The following DNAH2 variants were observed in gnomAD, a reference collection of about 807,000 sequenced individuals.
DNAH2 encodes dynein axonemal heavy chain 2.
DNAH2 carries 323 observed loss-of-function variants against 523.5 expected under a neutral mutation model. That is an observed-to-expected ratio of 0.62 (90% CI 0.56 to 0.68). DNAH2 has a LOEUF of 0.68. Among genes scored for constraint, DNAH2 ranks in the 30% least tolerant of loss-of-function variants. DNAH2 has a pLI of 0.00. For synonymous variants in DNAH2, 2,093 were observed against 2,177.4 expected, an observed-to-expected ratio of 0.96 and a Z score of 1.08; for missense variants, 4,907 against 5,701.5, an observed-to-expected ratio of 0.86 and a Z score of 4.49.
At chr17:7,796,363 G>T in intron 49 of DNAH2, 101 bp from the exon 50 acceptor site, 2 of 1,347,902 alleles carry the variant, frequency 1.5e-6, no homozygotes, top group South Asian at 1.5e-5. Context: ...GATTTTTTTT[G>T]ACACCCCCTT....
intron 12 of DNAH2, among the ~76,000 whole-genome samples, chr17:7,744,795 A>G (rs2075466927): frequency 6.6e-6 from 1 of 152,108 alleles, no homozygotes; most frequent in South Asian, 2.1e-4. Flanking sequence ...GCAAGCGCAT[A>G]ATGGGGTTGA....
chr17:7,767,101 C>T (rs991563863), intron 22 of DNAH2, among the ~76,000 whole-genome samples: 38 of 150,764 alleles, frequency 2.5e-4, no homozygotes, highest in Admixed American at 1.7e-3. Flanking sequence ...CCCCGTCCCC[C>T]GCCCCAGTCT....
intron 2 of DNAH2, among the ~76,000 whole-genome samples, chr17:7,723,222 G>A (rs1408613255): frequency 2.1e-5 from 3 of 144,930 alleles, no homozygotes; most frequent in African/African-American, 7.7e-5. Context: ...CGCCCGCCTT[G>A]GCCTCCCAAA....
chr17:7,750,061 G>A (rs1183518990), intron 12 of DNAH2, among the ~76,000 whole-genome samples: 8 of 151,910 alleles, frequency 5.3e-5, no homozygotes, highest in South Asian at 2.1e-4. Context: ...ATGGAATTTC[G>A]CTCTGTTGCC....
intron 3 of DNAH2, among the ~76,000 whole-genome samples, chr17:7,724,436 T>C (rs1189865497): frequency 6.6e-6 from 1 of 152,006 alleles, no homozygotes; most frequent in Non-Finnish European, 1.5e-5. Flanking sequence ...CTGGCCAACA[T>C]AGTGAAACCC....
intron 58 of DNAH2, 107 bp downstream of exon 58, chr17:7,802,124 T>C: frequency 1.4e-6 from 2 of 1,459,192 alleles, no homozygotes; most frequent in Non-Finnish European, 1.8e-6. Flanking sequence ...AAGGCCACAG[T>C]TCTGCCCAGG....
At chr17:7,752,691 CAG>C (rs1370308024) in intron 12 of DNAH2, among the ~76,000 whole-genome samples, 3 of 152,126 alleles carry the variant, frequency 2.0e-5, no homozygotes, top group South Asian at 4.2e-4. Flanking sequence ...GCCTGGGTGA[CAG>C]AGCAAGACTC....
At chr17:7,766,230 G>A (rs909146766) in intron 21 of DNAH2, 88 bp from the exon 22 acceptor site, 5 of 1,423,392 alleles carry the variant, frequency 3.5e-6, no homozygotes, top group Non-Finnish European at 4.9e-6. Context: ...GGAGAGAGGT[G>A]AGATTTGCCC....
intron 42 of DNAH2, 198 bp downstream of exon 42, chr17:7,787,231 A>C: frequency 1.4e-6 from 1 of 692,174 alleles, no homozygotes; most frequent in Non-Finnish European, 2.4e-6. Context: ...GAACAATGAT[A>C]AGAAAAACAC....
chr17:7,777,350 C>A, intron 32 of DNAH2, 96 bp from the exon 33 acceptor site: 1 of 1,376,586 alleles, frequency 7.3e-7, no homozygotes, highest in Non-Finnish European at 1.0e-6. Context: ...GTGGGGTCAG[C>A]ACCGGGTTGG....
In DNAH2 at chr17:7,740,507, C is replaced by T; in HGVS notation, c.1464C>T (p.Gly488=). Residue 488 remains glycine (G), a synonymous_variant, in exon 10 of 86, where the codon GGC becomes GGT. Transcript: ENST00000572933. ...AFELVRDVPH[G]VLLLDTFHRL... ...AGTTGGTGCGGGACGTGCCGCACGGCGTGCTTCTGCTGGACACCTTCCACA... is the reference window on the plus strand; with the variant it reads ...AGTTGGTGCGGGACGTGCCGCACGGTGTGCTTCTGCTGGACACCTTCCACA... The T allele has an allele frequency of 6.2e-7, 1 of 1,614,156 alleles. No homozygotes were observed. The highest frequency in any genetic ancestry group is 8.5e-7 in the Non-Finnish European group (1 of 1,180,028).
rs1161015909 is a variant in DNAH2, at chr17:7,798,861, G to A, written c.8559+143G>A. ...CCCACCTCAGCCCTGTAAGGTGGAA[G>A]GTCCCCTCCAGGGACCCTGGGCAGA... On this transcript the variant is annotated intron_variant, in intron 55 of 85. Transcript: ENST00000572933. The surrounding 1 kb of genome is among the most constrained non-coding windows in gnomAD (Gnocchi z 5.5). 1.6e-6 allele frequency: 2 copies of A among 1,281,752 alleles called. No individual in the cohort carries two copies. Among genetic ancestry groups the A allele is most frequent in the African/African-American group, 1.5e-5 (1 of 67,640 alleles). 79.4% of individuals were successfully genotyped at this position (1,281,752 alleles called of 1,614,324 possible).
At chr17:7,749,304 C>A (rs12449667) in intron 12 of DNAH2, among the ~76,000 whole-genome samples, 53,155 of 57,740 alleles carry the variant, frequency 0.92, 24,599 homozygotes, top group Middle Eastern at 0.95. Flanking sequence ...GCTAAACTCC[C>A]CCCCAAAAAA....
chr17:7,824,448 C>G (rs1430074731), intron 76 of DNAH2, 89 bp from the exon 77 acceptor site: 1 of 1,403,300 alleles, frequency 7.1e-7, no homozygotes, highest in Non-Finnish European at 9.4e-7. Context: ...TAGGCCCCCC[C>G]AGCACCCCCA....
chr17:7,815,184 G>A (rs1193512485), intron 63 of DNAH2, among the ~76,000 whole-genome samples: 1 of 152,242 alleles, frequency 6.6e-6, no homozygotes, highest in Non-Finnish European at 1.5e-5. Context: ...GGGTCAGGTA[G>A]TGCTTGCTTG....
intron 15 of DNAH2, 116 bp downstream of exon 15, chr17:7,759,240 A>G: frequency 1.3e-6 from 2 of 1,488,236 alleles, no homozygotes; most frequent in African/African-American, 2.8e-5. Context: ...GTACTTCTCA[A>G]ACATCGTGCT....
Position 7,778,171 on chromosome 17 carries a change from T to A in DNAH2, c.5342T>A (p.Leu1781Gln), listed in dbSNP as rs1597626653. The A allele has an allele frequency of 6.2e-7, 1 of 1,614,086 alleles. No individual in the cohort carries two copies. The highest frequency in any genetic ancestry group is 1.3e-5 in the African/African-American group (1 of 74,940). ...GNSGRLVITP[L>Q]TDRCYMTLTT... Reference sequence around the variant, plus strand: ...TCGGGCCGGCTCGTCATCACCCCCCTGACGGACAGGTCTGCCATGTGGGAT... The same window carrying A: ...TCGGGCCGGCTCGTCATCACCCCCCAGACGGACAGGTCTGCCATGTGGGAT... The change falls in exon 34 of 86, where the codon CTG becomes CAG. Residue 1781 changes from leucine (L) to glutamine (Q), a missense_variant. Transcript: ENST00000572933.
intron 77 of DNAH2, among the ~76,000 whole-genome samples, chr17:7,826,945 C>A (rs2078037579): frequency 6.6e-6 from 1 of 152,106 alleles, no homozygotes; most frequent in African/African-American, 2.4e-5. Context: ...AACCACTCTT[C>A]TGAATCTTGT....
At position 7,797,470 on chromosome 17, in the gene DNAH2, G is replaced by A. The variant is rs371200920; in HGVS notation, c.8020G>A (p.Gly2674Ser). 16 of 1,613,990 alleles carry A rather than the reference G, an allele frequency of 9.9e-6. No homozygotes were observed. Among genetic ancestry groups the A allele is most frequent in the African/African-American group, 2.7e-5 (2 of 74,876 alleles). Reference protein sequence around the residue: ...AFMGIISDKLGSFFDLTFHHL... With the variant: ...AFMGIISDKLSSFFDLTFHHL... ...CATGGGCATCATAAGCGACAAGCTCGGCTCCTTCTTTGACCTCACATTTCA... is the reference window on the plus strand; with the variant it reads ...CATGGGCATCATAAGCGACAAGCTCAGCTCCTTCTTTGACCTCACATTTCA... The change falls in exon 52 of 86, where the codon GGC becomes AGC. Residue 2674 changes from glycine to serine, a missense_variant. Gly to Ser is a moderately conservative substitution (Grantham distance 56). Coordinates refer to ENST00000572933, the MANE Select transcript of DNAH2 (RefSeq NM_020877.5).
Sources: gnomAD v4.1 joint callset for allele counts (sites outside exome capture counted in the v4.1 genomes callset) on GRCh38, gnomAD v4.1.1 for gene constraint, Gnocchi (gnomAD v3.1) non-coding constraint, MANE v1.5 for transcripts, NCBI Gene and HGNC (gene_info 2026-07-23, HGNC 2026-07-21) for gene names.